The following ADAM12 variants were observed in gnomAD, a reference collection of about 807,000 sequenced individuals.
The protein encoded by ADAM12 is disintegrin and metalloproteinase domain-containing protein 12.
In ADAM12, 70 loss-of-function variants were observed where a neutral mutation model predicts 106.4. That is an observed-to-expected ratio of 0.66 (90% CI 0.54 to 0.80). The LOEUF is 0.80. ADAM12 is among the 30% of genes least tolerant of loss of function. The pLI is 0.00. For synonymous variants in ADAM12, 420 were observed against 433.5 expected, an observed-to-expected ratio of 0.97 and a Z score of 0.39; for missense variants, 1,010 against 1,171.9, an observed-to-expected ratio of 0.86 and a Z score of 2.02.
At chr10:126,140,470 G>A (rs138095306) in intron 4 of ADAM12, among the ~76,000 whole-genome samples, 7 of 152,284 alleles carry the variant, frequency 4.6e-5, no homozygotes, top group African/African-American at 7.2e-5. Flanking sequence ...GAGGGAGGAG[G>A]GGGGTGGATT....
At chr10:126,069,640 G>A (rs1166448277) in intron 12 of ADAM12, among the ~76,000 whole-genome samples, 1 of 152,184 alleles carries the variant, frequency 6.6e-6, no homozygotes, top group Non-Finnish European at 1.5e-5. Flanking sequence ...GTGGTGGTGG[G>A]GATAATGATA....
chr10:126,093,713 C>A (rs531879882), intron 11 of ADAM12, among the ~76,000 whole-genome samples: 1 of 152,212 alleles, frequency 6.6e-6, no homozygotes, highest in Non-Finnish European at 1.5e-5. Context: ...AGATAATTAG[C>A]GATTTCTAAA....
At chr10:126,126,795 A>G (rs1956213787) in intron 5 of ADAM12, among the ~76,000 whole-genome samples, 7 of 152,110 alleles carry the variant, frequency 4.6e-5, no homozygotes, top group Admixed American at 3.9e-4. Flanking sequence ...GAGAGCGTGC[A>G]GGGCCTGGGT....
At chr10:126,100,997 G>C in intron 9 of ADAM12, 75 bp downstream of exon 9, 1 of 1,522,562 alleles carries the variant, frequency 6.6e-7, no homozygotes, top group Non-Finnish European at 8.9e-7. Flanking sequence ...AGCTCCTGGG[G>C]CTGTGCAGGT....
chr10:126,149,160 G>T (rs533087158), intron 4 of ADAM12, among the ~76,000 whole-genome samples: 1 of 152,304 alleles, frequency 6.6e-6, no homozygotes, highest in South Asian at 2.1e-4. Context: ...AGGAGGAGAG[G>T]AAAAATGTGA....
At chr10:126,278,033 G>T (rs1367935882) in intron 3 of ADAM12, among the ~76,000 whole-genome samples, 1 of 152,156 alleles carries the variant, frequency 6.6e-6, no homozygotes, top group Non-Finnish European at 1.5e-5. Flanking sequence ...ACTCATCCCA[G>T]TGAGGGCCTG....
At position 126,066,828 on chromosome 10, in the gene ADAM12, G is replaced by T. The variant is rs748954426; in HGVS notation, c.1324-22C>A. On this transcript the variant is annotated intron_variant, in intron 12 of 22. Coordinates refer to ENST00000448723, the MANE Select transcript of ADAM12 (RefSeq NM_001288973.2). This position sits in a 1 kb window ranked among gnomAD's most constrained non-coding sequence, Gnocchi z 5.1. The stretch of plus-strand genomic sequence containing the variant: ...ATTCCTGGAAAGGGGAATGGCATTT[G>T]TTTGACAGGGTCTTATGGAGTATGC... 1.2e-6 allele frequency: 2 copies of T among 1,601,768 alleles called. No homozygotes were observed. Among genetic ancestry groups the T allele is most frequent in the South Asian group, 1.1e-5 (1 of 90,756 alleles).
At chr10:126,287,281 C>T (rs1033629831) in intron 2 of ADAM12, among the ~76,000 whole-genome samples, 2 of 152,112 alleles carry the variant, frequency 1.3e-5, no homozygotes, top group Non-Finnish European at 1.5e-5. Context: ...CTGAAGCAGA[C>T]GACATTACTC....
chr10:126,385,600 A>C (rs1410473100), intron 1 of ADAM12, among the ~76,000 whole-genome samples: 1 of 152,232 alleles, frequency 6.6e-6, no homozygotes, highest in Non-Finnish European at 1.5e-5. Context: ...AAATGCCATA[A>C]AACACTGCAC....
intron 6 of ADAM12, among the ~76,000 whole-genome samples, chr10:126,110,627 G>C (rs1955852465): frequency 6.6e-6 from 1 of 152,168 alleles, no homozygotes; most frequent in African/African-American, 2.4e-5. Context: ...TGGATGAATG[G>C]AGATGATTCA....
At chr10:126,339,440 T>TGGCAG (rs1162430587) in intron 1 of ADAM12, among the ~76,000 whole-genome samples, 2 of 152,224 alleles carry the variant, frequency 1.3e-5, no homozygotes, top group Non-Finnish European at 2.9e-5. Flanking sequence ...CTGACTTCTT[T>TGGCAG]GGCAGAGTCC....
chr10:126,049,132 T>C lies in ADAM12; in HGVS notation c.1917+121A>G. 7.2e-6 allele frequency: 9 copies of C among 1,247,016 alleles called. No individual in the cohort carries two copies. The highest frequency in any genetic ancestry group is 9.1e-6 in the Non-Finnish European group (8 of 877,120). 77.2% of individuals were successfully genotyped at this position (1,247,016 alleles called of 1,614,324 possible). A position where few individuals can be genotyped will look rare whatever the true frequency, so the allele number is the denominator to read the frequency against. On this transcript the variant is annotated intron_variant, in intron 16 of 22. Coordinates refer to ENST00000448723, the MANE Select transcript of ADAM12 (RefSeq NM_001288973.2). The surrounding 1 kb of genome is among the most constrained non-coding windows in gnomAD (Gnocchi z 4.4). ...GGATTTATTGACTTTTTCTTCTAGG[T>C]GCATCTGAGAAGAAGTAGATTTAGG...
At chr10:126,350,428 T>C (rs1855308976) in intron 1 of ADAM12, among the ~76,000 whole-genome samples, 1 of 151,990 alleles carries the variant, frequency 6.6e-6, no homozygotes, top group Non-Finnish European at 1.5e-5. Flanking sequence ...AAGGCTGACT[T>C]TGAGAAAGGG....
At position 126,064,792 on chromosome 10, in the gene ADAM12, T is replaced by C. The variant is rs2279090; in HGVS notation, c.1609+14A>G. 167,823 of 1,589,444 alleles carry C rather than the reference T, an allele frequency of 0.11. 10,945 individuals are homozygous for C. The highest frequency in any genetic ancestry group is 0.3 in the Admixed American group (16,961 of 57,404). The stretch of plus-strand genomic sequence containing the variant: ...AGTGCCTCTCCTGATGCCGAGCTTG[T>C]GGCGGCCACGTACCTGGTCCCCAGA... On this transcript the variant is annotated intron_variant, in intron 14 of 22. Coordinates refer to ENST00000448723, the MANE Select transcript of ADAM12 (RefSeq NM_001288973.2). The surrounding 1 kb of genome is among the most constrained non-coding windows in gnomAD (Gnocchi z 4.4).
At chr10:126,322,068 G>A (rs1242253582) in intron 2 of ADAM12, among the ~76,000 whole-genome samples, 1 of 152,204 alleles carries the variant, frequency 6.6e-6, no homozygotes, top group Non-Finnish European at 1.5e-5. Context: ...CAGCCTGCAA[G>A]CTAAGACTCA....
At chr10:126,271,901 C>G (rs1371188617) in intron 3 of ADAM12, among the ~76,000 whole-genome samples, 1 of 152,226 alleles carries the variant, frequency 6.6e-6, no homozygotes, top group Non-Finnish European at 1.5e-5. Context: ...CTGGCTTCCT[C>G]TGTCTCTCTC....
chr10:126,026,254 A>G (rs1278288614), intron 21 of ADAM12, among the ~76,000 whole-genome samples: 2 of 152,262 alleles, frequency 1.3e-5, no homozygotes, highest in African/African-American at 2.4e-5. Flanking sequence ...AGGGCATTGC[A>G]TAATGGTAAA....
chr10:126,171,002 G>A (rs1957110056), intron 3 of ADAM12, among the ~76,000 whole-genome samples: 1 of 152,190 alleles, frequency 6.6e-6, no homozygotes, highest in Admixed American at 6.5e-5. Context: ...TTTCTCTCCA[G>A]GATAAAGGCC....
At chr10:126,184,732 G>A (rs1004409537) in intron 3 of ADAM12, among the ~76,000 whole-genome samples, 3 of 152,162 alleles carry the variant, frequency 2.0e-5, no homozygotes, top group Non-Finnish European at 2.9e-5. Flanking sequence ...TGACAACCAT[G>A]TTGCAGGAAA....
Sources: allele counts gnomAD v4.1 joint callset (sites outside exome capture counted in the v4.1 genomes callset), GRCh38; gene constraint gnomAD v4.1.1; non-coding constraint Gnocchi (gnomAD v3.1); transcripts MANE v1.5; gene names NCBI Gene and HGNC (gene_info 2026-07-23, HGNC 2026-07-21).